Variants in NSMCE2 observed in about 807,000 individuals in gnomAD.
NSMCE2 encodes E3 SUMO-protein ligase NSE2.
Under a neutral mutation model 23.8 loss-of-function variants are expected in NSMCE2, and 24 were observed. The observed-to-expected ratio is 1.01, with a 90% CI of 0.73 to 1.42. The LOEUF (loss-of-function observed/expected upper bound fraction) is 1.42. Among genes scored for constraint, NSMCE2 ranks in the 40% most tolerant of loss-of-function variants. The pLI is 0.00. For missense variants in NSMCE2, 284 were observed against 296.5 expected (o/e 0.96, Z 0.31); for synonymous variants, 92 against 94.1 (o/e 0.98, Z 0.13).
At chr8:125,195,522 G>T (rs1339597933) in intron 5 of NSMCE2, among the ~76,000 whole-genome samples, 2 of 152,046 alleles carry the variant, frequency 1.3e-5, no homozygotes, top group Admixed American at 1.3e-4. Context: ...TTGGTGTCCT[G>T]GTTTTAAATA....
intron 5 of NSMCE2, among the ~76,000 whole-genome samples, chr8:125,317,712 A>G (rs922158405): frequency 6.6e-5 from 10 of 152,206 alleles, no homozygotes; most frequent in African/African-American, 2.4e-4. Flanking sequence ...AAACTAGGGT[A>G]TTTCACTTGT....
chr8:125,308,967 G>A (rs1046926779), intron 5 of NSMCE2, among the ~76,000 whole-genome samples: 2 of 152,196 alleles, frequency 1.3e-5, no homozygotes, highest in Non-Finnish European at 2.9e-5. Flanking sequence ...TTATGAGGCC[G>A]GGCACGGTGG....
intron 5 of NSMCE2, among the ~76,000 whole-genome samples, chr8:125,272,767 A>G (rs1827266353): frequency 7.0e-6 from 1 of 142,668 alleles, no homozygotes; most frequent in South Asian, 2.1e-4. Context: ...ATATATATAT[A>G]CACACACACG....
chr8:125,333,538 G>T, intron 5 of NSMCE2, among the ~76,000 whole-genome samples: 1 of 50,160 alleles, frequency 2.0e-5, no homozygotes, highest in East Asian at 5.6e-4. Flanking sequence ...TTTTTGAGAC[G>T]GAGTCTCGCT....
rs183436806 is a variant in NSMCE2 at position 125,213,339 on chromosome 8, A to G, written c.418+31083A>G. Among the ~76,000 whole-genome samples the G allele has an allele frequency of 4.6e-3, 705 of 152,248 alleles. 4 individuals carry two copies. The highest frequency in any genetic ancestry group is 0.016 in the African/African-American group (682 of 41,540). ...TATTAATTGCATTCTCTCTTGGCCA[A>G]AGGTTTAGCTGTTTTAAAATGTGAT... On this transcript the variant is annotated intron_variant, in intron 5 of 7. Coordinates refer to ENST00000287437, the MANE Select transcript of NSMCE2 (RefSeq NM_173685.4).
chr8:125,259,901 G>C (rs1451372511), intron 5 of NSMCE2, among the ~76,000 whole-genome samples: 1 of 152,170 alleles, frequency 6.6e-6, no homozygotes, highest in Non-Finnish European at 1.5e-5. Flanking sequence ...GCTCTTTTCA[G>C]CTATGCCACA....
chr8:125,268,975 T>C (rs1260494561), intron 5 of NSMCE2, among the ~76,000 whole-genome samples: 2 of 152,210 alleles, frequency 1.3e-5, no homozygotes, highest in African/African-American at 2.4e-5. Context: ...TTAAAAAATA[T>C]ATTGTTTAGT....
At chr8:125,112,768 G>A (rs1206614972) in intron 3 of NSMCE2, among the ~76,000 whole-genome samples, 5 of 152,108 alleles carry the variant, frequency 3.3e-5, no homozygotes, top group Non-Finnish European at 7.4e-5. Context: ...CTGGGGAAAT[G>A]TTGGTCAAAG....
chr8:125,102,426 C>A lies in NSMCE2; in HGVS notation c.96C>A (p.Ala32=). The change falls in exon 3 of 8, where the codon GCC becomes GCA. Residue 32 remains alanine (A), a synonymous_variant. Transcript: ENST00000287437. ...SALSSLKNFQ[A]CINSGMDTAS... is the part of the protein sequence containing the mutation. ...TCTCCTCCTTGAAAAACTTCCAAGC[C>A]TGTATCAACTCTGGTATGGACACAG... is the stretch of plus-strand genomic sequence containing the variant. 3 of 1,613,570 alleles carry A rather than the reference C, an allele frequency of 1.9e-6. No homozygotes were observed. Among genetic ancestry groups the A allele is most frequent in the Non-Finnish European group, 2.5e-6 (3 of 1,179,514 alleles).
chr8:125,276,499 T>C (rs1432603752), intron 5 of NSMCE2, among the ~76,000 whole-genome samples: 2 of 152,254 alleles, frequency 1.3e-5, no homozygotes, highest in Non-Finnish European at 2.9e-5. Context: ...ACCTTCCTCC[T>C]ATCACTGATT....
chr8:125,206,598 G>C (rs553137579), intron 5 of NSMCE2, among the ~76,000 whole-genome samples: 23 of 152,302 alleles, frequency 1.5e-4, no homozygotes, highest in African/African-American at 5.5e-4. Context: ...GGAGAACAAG[G>C]AGTTGAAGTT....
Position 125,151,151 on chromosome 8 carries a change from G to T in NSMCE2, c.158-20G>T. On this transcript the variant is annotated intron_variant, in intron 3 of 7. Transcript: ENST00000287437. The stretch of plus-strand genomic sequence containing the variant: ...GCATTTTAAATGGAAAATAATAATT[G>T]CAATTTTTTTTTCTTTCAGCTGAAG... 2.2e-6 allele frequency: 3 copies of T among 1,341,808 alleles called. No homozygotes were observed. Among genetic ancestry groups the T allele is most frequent in the South Asian group, 1.2e-5 (1 of 82,200 alleles). The allele number at this position is 1,341,808 out of a possible 1,614,324, so 83.1% of individuals were successfully genotyped here. A position where few individuals can be genotyped will look rare whatever the true frequency, so the allele number is the denominator to read the frequency against.
At chr8:125,208,343 A>G (rs1824195445) in intron 5 of NSMCE2, among the ~76,000 whole-genome samples, 1 of 152,206 alleles carries the variant, frequency 6.6e-6, no homozygotes, top group Non-Finnish European at 1.5e-5. Context: ...AGTATCTTTA[A>G]CTGTCTGTTT....
At chr8:125,203,784 TAG>T (rs1263905331) in intron 5 of NSMCE2, among the ~76,000 whole-genome samples, 2 of 152,108 alleles carry the variant, frequency 1.3e-5, no homozygotes, top group African/African-American at 4.8e-5. Context: ...CTGGAGAAGA[TAG>T]AGAGTAGGGT....
At chr8:125,254,711 C>T (rs943955372) in intron 5 of NSMCE2, among the ~76,000 whole-genome samples, 1 of 151,912 alleles carries the variant, frequency 6.6e-6, no homozygotes, top group Admixed American at 6.6e-5. Flanking sequence ...CCTTAATCCT[C>T]TTGCTAATTG....
chr8:125,322,927 C>T lies in NSMCE2; in HGVS notation c.419-34292C>T, dbSNP rs1337941594. On this transcript the variant is annotated intron_variant, in intron 5 of 7. Transcript: ENST00000287437. ...TACAAGGAGTAGCTGGGTGTGGTGA[C>T]GCATGCCTGTGATCCCACCTACTTG... Among the ~76,000 whole-genome samples, 4 of 152,102 alleles carry T rather than the reference C, an allele frequency of 2.6e-5. No homozygotes were observed. The East Asian group carries it at 5.8e-4, about 22-fold the overall frequency.
At chr8:125,202,675 T>G (rs1319272338) in intron 5 of NSMCE2, among the ~76,000 whole-genome samples, 2 of 152,342 alleles carry the variant, frequency 1.3e-5, no homozygotes, top group African/African-American at 4.8e-5. Flanking sequence ...TACCTGATAT[T>G]TTTGAACTTA....
intron 5 of NSMCE2, among the ~76,000 whole-genome samples, chr8:125,194,389 A>G (rs1349737142): frequency 2.0e-5 from 3 of 152,200 alleles, no homozygotes; most frequent in East Asian, 1.9e-4. Flanking sequence ...ATCAGAGTGC[A>G]TTTGACATTC....
intron 5 of NSMCE2, among the ~76,000 whole-genome samples, chr8:125,216,972 T>C (rs1010019847): frequency 2.0e-5 from 3 of 152,230 alleles, no homozygotes; most frequent in Non-Finnish European, 4.4e-5. Flanking sequence ...TAGAATGCAT[T>C]GGCTTCAAAT....
Sources: allele counts gnomAD v4.1 joint callset (sites outside exome capture counted in the v4.1 genomes callset), GRCh38; gene constraint gnomAD v4.1.1; transcripts MANE v1.5; gene names NCBI Gene and HGNC (gene_info 2026-07-23, HGNC 2026-07-21).